MYLK: variants seen among roughly 807,000 people sequenced by gnomAD.
MYLK encodes myosin light chain kinase.
A neutral mutation model predicts 203.4 loss-of-function variants in MYLK; 106 were observed. That is an observed-to-expected ratio of 0.52 (90% CI 0.45 to 0.61). The LOEUF is 0.61. Ranked by LOEUF, MYLK falls within the 20% of genes least tolerant of loss-of-function variation. The probability of loss-of-function intolerance (pLI) is 0.00; values close to 1 mark genes in which losing one functional copy is unlikely to be tolerated. For synonymous variants in MYLK, 867 were observed against 959.5 expected, an observed-to-expected ratio of 0.90 and a Z score of 1.78; for missense variants, 2,072 against 2,442.3, an observed-to-expected ratio of 0.85 and a Z score of 3.20.
chr3:123,689,187 T>C (rs1456350222), intron 19 of MYLK, among the ~76,000 whole-genome samples: 1 of 151,916 alleles, frequency 6.6e-6, no homozygotes, highest in Admixed American at 6.6e-5. Context: ...CTGGCCAGGG[T>C]GGCTGGGGAC....
rs762029282 is a variant in MYLK at position 123,618,701 on chromosome 3, T to G, written c.5438A>C (p.Lys1813Thr). ...EKPHVKPYFS[K>T]TIRDLEVVEG... ...CACAACTTCTAAATCGCGAATGGTC[T>G]TAGAGAAATAGGGTTTTACATGAGG... Residue 1813 changes from lysine (K) to threonine (T), a missense_variant, in exon 33 of 34, where the codon AAG becomes ACG. This residue lies in a region of MYLK where 524 missense variants were observed against 782.4 expected (regional missense o/e 0.67). Transcript: ENST00000360304. 2.5e-6 allele frequency: 4 copies of G among 1,614,146 alleles called. No homozygotes were observed. Among genetic ancestry groups the G allele is most frequent in the Non-Finnish European group, 3.4e-6 (4 of 1,180,022 alleles).
At chr3:123,685,612 G>GAAAAAAAAAAA (rs59215456) in intron 19 of MYLK, among the ~76,000 whole-genome samples, 17 of 112,398 alleles carry the variant, frequency 1.5e-4, no homozygotes, top group East Asian at 5.1e-4. Flanking sequence ...TCCAAAAAAT[G>GAAAAAAAAAAA]AAAAAAAAAA....
intron 3 of MYLK, among the ~76,000 whole-genome samples, chr3:123,829,349 T>C (rs2066244672): frequency 6.6e-6 from 1 of 152,188 alleles, no homozygotes; most frequent in South Asian, 2.1e-4. Context: ...AACAGAAAGT[T>C]AGACATGGTG....
chr3:123,671,874 G>A (rs957920270), intron 20 of MYLK, among the ~76,000 whole-genome samples: 7 of 152,066 alleles, frequency 4.6e-5, no homozygotes, highest in Non-Finnish European at 8.8e-5. Flanking sequence ...AGCCACAAAG[G>A]CCCTGCCCCT....
At chr3:123,653,987 TGTG>T (rs1553783583) in intron 24 of MYLK, among the ~76,000 whole-genome samples, 10 of 6,446 alleles carry the variant, frequency 1.6e-3, no homozygotes, top group African/African-American at 2.6e-3. Context: ...AGAGGGATGT[TGTG>T]TGTGTGTGTG....
intron 11 of MYLK, among the ~76,000 whole-genome samples, chr3:123,728,929 T>C (rs1033868015): frequency 6.6e-6 from 1 of 152,196 alleles, no homozygotes; most frequent in Non-Finnish European, 1.5e-5. Context: ...TCAGTAGCAA[T>C]TGTTTAACAT....
chr3:123,664,884 C>G (rs1481013499), intron 22 of MYLK, among the ~76,000 whole-genome samples: 1 of 152,184 alleles, frequency 6.6e-6, no homozygotes, highest in Non-Finnish European at 1.5e-5. Flanking sequence ...GAATGACATA[C>G]TGTATGATTC....
chr3:123,696,935 G>A (rs1576603104), intron 18 of MYLK, among the ~76,000 whole-genome samples: 1 of 152,328 alleles, frequency 6.6e-6, no homozygotes, highest in South Asian at 2.1e-4. Flanking sequence ...TTAGCAGGAC[G>A]CCTCTGCTGC....
intron 2 of MYLK, among the ~76,000 whole-genome samples, chr3:123,871,823 T>C (rs1419090570): frequency 8.9e-6 from 1 of 112,844 alleles, no homozygotes; most frequent in East Asian, 1.9e-4. Context: ...CAATATACCC[T>C]GACACCAAAA....
At chr3:123,768,953 C>T (rs892777907) in intron 4 of MYLK, among the ~76,000 whole-genome samples, 19 of 152,182 alleles carry the variant, frequency 1.2e-4, no homozygotes, top group African/African-American at 4.3e-4. Flanking sequence ...GAGAGCCTCC[C>T]GTTACTCTGG....
At chr3:123,829,467 G>A (rs946141620) in intron 3 of MYLK, among the ~76,000 whole-genome samples, 1 of 152,118 alleles carries the variant, frequency 6.6e-6, no homozygotes, top group African/African-American at 2.4e-5. Flanking sequence ...GTGGGATAGG[G>A]ACAGATTTCT....
chr3:123,730,920 T>C (rs1223351618), intron 11 of MYLK, among the ~76,000 whole-genome samples: 2 of 152,164 alleles, frequency 1.3e-5, no homozygotes, highest in East Asian at 1.9e-4. Flanking sequence ...GTGAATTATA[T>C]CTCAATAAAG....
At chr3:123,631,185 G>T (rs2058403986) in intron 29 of MYLK, among the ~76,000 whole-genome samples, 2 of 152,008 alleles carry the variant, frequency 1.3e-5, no homozygotes, top group Non-Finnish European at 2.9e-5. Context: ...ATCACCTGAG[G>T]TCAGGAGTTT....
chr3:123,800,023 C>G, intron 3 of MYLK: 1 of 152,204 alleles, frequency 6.6e-6, no homozygotes, highest in Non-Finnish European at 1.5e-5. Context: ...ACTCTGCTCG[C>G]AGATGGTGCA....
chr3:123,820,722 T>A (rs1049716645), intron 3 of MYLK, among the ~76,000 whole-genome samples: 1 of 147,846 alleles, frequency 6.8e-6, no homozygotes, highest in Non-Finnish European at 1.5e-5. Context: ...TTCCTCTCTC[T>A]CTCTTTTATT....
intron 2 of MYLK, among the ~76,000 whole-genome samples, chr3:123,867,232 A>G (rs769687282): frequency 3.3e-5 from 5 of 152,062 alleles, no homozygotes. Flanking sequence ...AAAAATGGAC[A>G]TGTTCCATTT....
chr3:123,656,913 G>A (rs1426743247), intron 24 of MYLK, among the ~76,000 whole-genome samples: 1 of 152,120 alleles, frequency 6.6e-6, no homozygotes, highest in Non-Finnish European at 1.5e-5. Flanking sequence ...CAAAATTGCT[G>A]GTTCAATGTT....
At chr3:123,853,528 C>T (rs1489428906) in intron 2 of MYLK, among the ~76,000 whole-genome samples, 1 of 152,070 alleles carries the variant, frequency 6.6e-6, no homozygotes, top group Non-Finnish European at 1.5e-5. Flanking sequence ...CTGCTATGTG[C>T]CTTTTGTTTT....
chr3:123,672,265 A>G (rs1271279985), intron 20 of MYLK, among the ~76,000 whole-genome samples: 1 of 151,388 alleles, frequency 6.6e-6, no homozygotes, highest in Non-Finnish European at 1.5e-5. Flanking sequence ...GGAAGGGAGA[A>G]GGAGGGAGGA....
Sources: allele counts gnomAD v4.1 joint callset (sites outside exome capture counted in the v4.1 genomes callset), GRCh38; gene constraint gnomAD v4.1.1; regional missense constraint gnomAD v4.1.1; transcripts MANE v1.5; gene names NCBI Gene and HGNC (gene_info 2026-07-23, HGNC 2026-07-21).